HDAC9: variants seen among roughly 807,000 people sequenced by gnomAD.
HDAC9 encodes histone deacetylase 9.
A neutral mutation model predicts 139.4 loss-of-function variants in HDAC9; 41 were observed. The observed-to-expected ratio is 0.29, with a 90% CI of 0.23 to 0.38. The LOEUF is 0.38. Ranked by LOEUF, HDAC9 falls within the 10% of genes least tolerant of loss-of-function variation. HDAC9 has a pLI of 1.00. For missense variants in HDAC9, 1,147 were observed against 1,297.0 expected (o/e 0.88, Z 1.78); for synonymous variants, 517 against 476.2 (o/e 1.09, Z -1.12).
chr7:18,584,551 T>G (rs936336328), intron 2 of HDAC9, among the ~76,000 whole-genome samples: 1 of 152,248 alleles, frequency 6.6e-6, no homozygotes, highest in African/African-American at 2.4e-5. Flanking sequence ...AAATCTTTTT[T>G]ACTCCAGTGG....
At chr7:18,115,670 A>G (rs1346354282) in intron 1 of HDAC9, among the ~76,000 whole-genome samples, 2 of 152,220 alleles carry the variant, frequency 1.3e-5, no homozygotes, top group Admixed American at 1.3e-4. Flanking sequence ...CATAGCAGCT[A>G]TACTGTGAAA....
upstream of HDAC9, among the ~76,000 whole-genome samples, chr7:18,494,433 C>T (rs141640995): frequency 1.3e-5 from 2 of 152,038 alleles, no homozygotes; most frequent in African/African-American, 2.4e-5. Flanking sequence ...GCTTTTTCCT[C>T]TCTTTCCCCT....
At chr7:18,839,232 A>T (rs1796433081) in intron 21 of HDAC9, among the ~76,000 whole-genome samples, 1 of 152,028 alleles carries the variant, frequency 6.6e-6, no homozygotes, top group Admixed American at 6.6e-5. Context: ...CCTAGATTAG[A>T]AACTTTATAG....
At chr7:18,776,731 C>G (rs1317143898) in intron 16 of HDAC9, among the ~76,000 whole-genome samples, 1 of 151,726 alleles carries the variant, frequency 6.6e-6, no homozygotes, top group East Asian at 1.9e-4. Context: ...GAGGGGTGAC[C>G]TGGGAGCCCT....
At chr7:18,743,837 C>G (rs552612802) in intron 13 of HDAC9, among the ~76,000 whole-genome samples, 21 of 151,856 alleles carry the variant, frequency 1.4e-4, no homozygotes, top group African/African-American at 4.6e-4. Flanking sequence ...AGACATGAAC[C>G]TTGTTTCAGA....
At chr7:18,848,503 C>A (rs984972437) in intron 21 of HDAC9, among the ~76,000 whole-genome samples, 6 of 151,862 alleles carry the variant, frequency 4.0e-5, no homozygotes, top group Admixed American at 1.3e-4. Flanking sequence ...CATGCACACA[C>A]ACCGAGGCAA....
At chr7:18,925,769 C>T (rs921032417) in intron 22 of HDAC9, among the ~76,000 whole-genome samples, 2 of 151,620 alleles carry the variant, frequency 1.3e-5, no homozygotes, top group Admixed American at 1.3e-4. Context: ...CACTCCTCAC[C>T]CTCACCCCCA....
At chr7:18,618,574 G>C (rs1407874782) in intron 6 of HDAC9, among the ~76,000 whole-genome samples, 2 of 151,596 alleles carry the variant, frequency 1.3e-5, no homozygotes, top group African/African-American at 4.8e-5. Context: ...TACTAAAATG[G>C]CCCCACTCTC....
chr7:18,226,515 G>T (rs1444052839), intron 2 of HDAC9, among the ~76,000 whole-genome samples: 1 of 152,054 alleles, frequency 6.6e-6, no homozygotes. Flanking sequence ...CGCTAGTAGT[G>T]CTCCTTCCAT....
chr7:18,086,969 C>A (rs1418440680), exon 1 of HDAC9: 1 of 147,430 alleles, frequency 6.8e-6, no homozygotes, highest in Non-Finnish European at 1.5e-5. Context: ...CCGAGCCGGC[C>A]GCGCCGCGCC....
At chr7:18,723,462 C>CT (rs1472366038) in intron 12 of HDAC9, among the ~76,000 whole-genome samples, 1 of 152,108 alleles carries the variant, frequency 6.6e-6, no homozygotes, top group Non-Finnish European at 1.5e-5. Context: ...GGACTGTTGC[C>CT]TTTTGGTTGA....
chr7:18,154,632 A>G (rs925301854), intron 1 of HDAC9, among the ~76,000 whole-genome samples: 1 of 152,216 alleles, frequency 6.6e-6, no homozygotes, highest in Non-Finnish European at 1.5e-5. Context: ...CAGACCGCCT[A>G]GCTAGTGAAA....
chr7:18,231,687 A>G (rs1793471123), intron 2 of HDAC9, among the ~76,000 whole-genome samples: 1 of 152,194 alleles, frequency 6.6e-6, no homozygotes, highest in South Asian at 2.1e-4. Context: ...CAGAGCCTCT[A>G]TGTGGGAGTT....
At chr7:18,146,773 A>G (rs1192518886) in intron 1 of HDAC9, among the ~76,000 whole-genome samples, 2 of 152,136 alleles carry the variant, frequency 1.3e-5, no homozygotes, top group Admixed American at 6.5e-5. Flanking sequence ...TAAGTTTTCC[A>G]GTTTAGGAGG....
chr7:18,088,854 C>G (rs545961549), intron 1 of HDAC9, among the ~76,000 whole-genome samples: 1 of 152,230 alleles, frequency 6.6e-6, no homozygotes, highest in South Asian at 2.1e-4. Context: ...TATTATATTT[C>G]CAAAACAACA....
At chr7:18,371,506 A>G (rs1277100172) in intron 1 of HDAC9, among the ~76,000 whole-genome samples, 7 of 152,138 alleles carry the variant, frequency 4.6e-5, no homozygotes, top group African/African-American at 1.2e-4. Context: ...CTATTTTGGT[A>G]TCCATTATAT....
At chr7:18,578,065 G>A (rs565704525) in intron 2 of HDAC9, 1 of 499,684 alleles carries the variant, frequency 2.0e-6, no homozygotes, top group African/African-American at 1.9e-5. Flanking sequence ...ACTTTTGGGA[G>A]CTAGAATCCC....
chr7:18,768,106 A>G (rs1789981580), intron 16 of HDAC9, among the ~76,000 whole-genome samples: 1 of 152,158 alleles, frequency 6.6e-6, no homozygotes, highest in Admixed American at 6.6e-5. Context: ...AATGGTAGCT[A>G]TATCCATTTG....
intron 2 of HDAC9, among the ~76,000 whole-genome samples, chr7:18,573,102 A>T (rs1027172215): frequency 6.6e-6 from 1 of 152,246 alleles, no homozygotes; most frequent in Non-Finnish European, 1.5e-5. Context: ...CCTGGGAAAT[A>T]AGAGAATAGT....
Sources: allele counts gnomAD v4.1 joint callset (sites outside exome capture counted in the v4.1 genomes callset), GRCh38; gene constraint gnomAD v4.1.1; transcripts MANE v1.5; gene names NCBI Gene and HGNC (gene_info 2026-07-23, HGNC 2026-07-21).